PRICKLE2: variants seen among roughly 807,000 people sequenced by gnomAD.
PRICKLE2 encodes the protein prickle planar cell polarity protein 2.
In PRICKLE2, 21 loss-of-function variants were observed where a neutral mutation model predicts 81.4. That is an observed-to-expected ratio of 0.26 (90% CI 0.18 to 0.37). The LOEUF is 0.37. PRICKLE2 is among the 10% of genes least tolerant of loss of function. PRICKLE2 has a pLI of 1.00. For missense variants in PRICKLE2, 940 were observed against 1,109.0 expected, an observed-to-expected ratio of 0.85 and a Z score of 2.16; for synonymous variants, 456 against 421.5, an observed-to-expected ratio of 1.08 and a Z score of -1.00.
Position 64,110,120 on chromosome 3 carries a change from T to C in PRICKLE2, c.1661-10195A>G, listed in dbSNP as rs141490265. ...AGCTCCATGGGGGATTCTGGTTGTA[T>C]TGCCACAAAGCATATTGCTAATTGA... On this transcript the variant is annotated intron_variant, in intron 7 of 7. Coordinates refer to ENST00000638394, the MANE Select transcript of PRICKLE2 (RefSeq NM_198859.4). Among the ~76,000 whole-genome samples, 13 of 152,348 alleles carry C rather than the reference T, an allele frequency of 8.5e-5. No homozygotes were observed. In the East Asian group the frequency reaches 2.5e-3, roughly 29 times the overall value.
chr3:64,170,527 C>T (rs2077910641), intron 2 of PRICKLE2, among the ~76,000 whole-genome samples: 1 of 152,076 alleles, frequency 6.6e-6, no homozygotes, highest in Non-Finnish European at 1.5e-5. Flanking sequence ...ATAACAACTC[C>T]ATTGGAATAT....
chr3:64,203,826 AC>A (rs1263829220), intron 1 of PRICKLE2, among the ~76,000 whole-genome samples: 3 of 151,470 alleles, frequency 2.0e-5, no homozygotes, highest in African/African-American at 7.3e-5. Context: ...AAAAAAAAAA[AC>A]ATCAGCTGGG....
intron 7 of PRICKLE2, among the ~76,000 whole-genome samples, chr3:64,123,548 T>C (rs1010119491): frequency 2.0e-5 from 3 of 152,268 alleles, no homozygotes; most frequent in African/African-American, 2.4e-5. Context: ...GGAAGGTTCA[T>C]AGCAATCCTT....
chr3:64,222,250 G>GC (rs1172788811), intron 1 of PRICKLE2, among the ~76,000 whole-genome samples: 23 of 152,176 alleles, frequency 1.5e-4, no homozygotes, highest in African/African-American at 4.3e-4. Flanking sequence ...AGGAAGTAAG[G>GC]GAGGTGGGCT....
At chr3:64,175,229 A>T in intron 2 of PRICKLE2, 1 of 156,234 alleles carries the variant, frequency 6.4e-6, no homozygotes, top group Non-Finnish European at 1.5e-5. Flanking sequence ...TTCAAAGATG[A>T]TTATTTTTGT....
rs895796019 is a variant in PRICKLE2, at chr3:64,093,962, G to A, written c.*5089C>T. On this transcript the variant is annotated 3_prime_UTR_variant, in exon 8 of 8. Coordinates refer to ENST00000638394, the MANE Select transcript of PRICKLE2 (RefSeq NM_198859.4). ...TTACAGGGCACGGATCTCAAGCAAA[G>A]TGTTCAGAACAGTCTCTGGCAGAGC... 2 of 152,592 alleles carry A rather than the reference G, an allele frequency of 1.3e-5. No homozygotes were observed. Among genetic ancestry groups the A allele is most frequent in the African/African-American group, 4.8e-5 (2 of 41,436 alleles). The allele number at this position is 152,592 out of a possible 1,614,324, so 9.5% of individuals were successfully genotyped here.
intron 2 of PRICKLE2, among the ~76,000 whole-genome samples, chr3:64,231,073 C>T (rs1221118467): frequency 6.6e-6 from 1 of 152,090 alleles, no homozygotes; most frequent in African/African-American, 2.4e-5. Flanking sequence ...AGAAAAGGGG[C>T]CTTCCTTTTT....
intron 7 of PRICKLE2, among the ~76,000 whole-genome samples, chr3:64,117,859 T>A (rs1465078923): frequency 6.6e-6 from 1 of 151,752 alleles, no homozygotes; most frequent in Non-Finnish European, 1.5e-5. Context: ...TACTTGAAAA[T>A]TCATATGGAA....
intron 7 of PRICKLE2, chr3:64,105,868 A>G (rs2076745759): frequency 1.3e-5 from 2 of 152,268 alleles, no homozygotes; most frequent in Admixed American, 6.5e-5. Flanking sequence ...CTTGAGATGC[A>G]TCAGTAAGAT....
At chr3:64,252,271 C>A (rs2079458090) in intron 2 of PRICKLE2, among the ~76,000 whole-genome samples, 2 of 152,196 alleles carry the variant, frequency 1.3e-5, no homozygotes. Context: ...TCAAATCACC[C>A]TGCACCCCCA....
chr3:64,199,922 A>G (rs2078539573), intron 1 of PRICKLE2: 1 of 152,202 alleles, frequency 6.6e-6, no homozygotes, highest in African/African-American at 2.4e-5. Context: ...AAAGGTGATA[A>G]AAGAGCCCAG....
chr3:64,219,901 A>C (rs921615714), intron 1 of PRICKLE2, among the ~76,000 whole-genome samples: 3 of 152,210 alleles, frequency 2.0e-5, no homozygotes, highest in Non-Finnish European at 4.4e-5. Context: ...CTCAATTACT[A>C]AATAGAACCA....
chr3:64,160,179 GT>G, intron 3 of PRICKLE2, 102 bp from the exon 4 acceptor site: 1 of 1,303,516 alleles, frequency 7.7e-7, no homozygotes, highest in Non-Finnish European at 1.1e-6. Flanking sequence ...CTCTCATTTG[GT>G]TTTATAGCCC....
chr3:64,160,206 C>T, intron 3 of PRICKLE2, 129 bp from the exon 4 acceptor site: 1 of 950,702 alleles, frequency 1.1e-6, no homozygotes, highest in Non-Finnish European at 1.7e-6. Flanking sequence ...TGAACTTTAA[C>T]CACAACAGCC....
Position 64,183,958 on chromosome 3 carries a change from T to C in PRICKLE2, c.144+14826A>G, listed in dbSNP as rs906095557. Among the ~76,000 whole-genome samples the C allele has an allele frequency of 8.5e-5, 13 of 152,256 alleles. No homozygotes were observed. In the East Asian group the frequency reaches 1.4e-3, roughly 16 times the overall value. Reference sequence around the variant, plus strand: ...AACTGCTCCCTAAGCACTGGCCCTATGCGACAATGAGCAAGTCATGTACGT... The same window carrying C: ...AACTGCTCCCTAAGCACTGGCCCTACGCGACAATGAGCAAGTCATGTACGT... On this transcript the variant is annotated intron_variant, in intron 2 of 7. Transcript: ENST00000638394.
intron 2 of PRICKLE2, among the ~76,000 whole-genome samples, chr3:64,198,296 G>A (rs1388444845): frequency 2.0e-5 from 3 of 151,864 alleles, no homozygotes; most frequent in South Asian, 4.2e-4. Flanking sequence ...ACTTTAAAAC[G>A]TTTTTGTTGG....
chr3:64,222,765 C>G lies in PRICKLE2; in HGVS notation c.-41+2145G>C, dbSNP rs182807977. Among the ~76,000 whole-genome samples the G allele has an allele frequency of 6.9e-3, 1,049 of 152,278 alleles. 3 individuals are homozygous for G. The highest frequency in any genetic ancestry group is 8.6e-3 in the Non-Finnish European group (584 of 68,022). On this transcript the variant is annotated intron_variant, in intron 1 of 7. Coordinates refer to ENST00000638394, the MANE Select transcript of PRICKLE2 (RefSeq NM_198859.4). ...GGATAGAGAAGAAAATGCTCAATAT[C>G]TGCACTGAAAAGAATTAAGAAAGAA...
intron 7 of PRICKLE2, chr3:64,146,226 C>T (rs1253990006): frequency 1.3e-5 from 2 of 157,070 alleles, no homozygotes; most frequent in African/African-American, 2.4e-5. Flanking sequence ...GAAGCCAGAC[C>T]CCAGTGAAGA....
At chr3:64,154,004 A>T (rs1208022216) in intron 5 of PRICKLE2, 1 of 154,308 alleles carries the variant, frequency 6.5e-6, no homozygotes, top group Non-Finnish European at 1.4e-5. Flanking sequence ...CAAAGCACAG[A>T]TTTCAAAATT....
Sources: allele counts gnomAD v4.1 joint callset (sites outside exome capture counted in the v4.1 genomes callset), GRCh38; gene constraint gnomAD v4.1.1; transcripts MANE v1.5; gene names NCBI Gene and HGNC (gene_info 2026-07-23, HGNC 2026-07-21).